Variants in ITGA11 observed in about 807,000 individuals in gnomAD.
ITGA11 encodes integrin subunit alpha 11, also known as integrin alpha-11.
ITGA11 carries 97 observed loss-of-function variants against 141.9 expected under a neutral mutation model. The ratio of observed to expected loss-of-function variants is 0.68; its 90% CI spans 0.58 to 0.81. The LOEUF is 0.81. ITGA11 is among the 30% of genes least tolerant of loss of function. The probability of loss-of-function intolerance (pLI) is 0.00; values close to 1 mark genes in which losing one functional copy is unlikely to be tolerated. For missense variants in ITGA11, 1,387 were observed against 1,559.2 expected, an observed-to-expected ratio of 0.89 and a Z score of 1.86; for synonymous variants, 658 against 624.6, an observed-to-expected ratio of 1.05 and a Z score of -0.80.
intron 3 of ITGA11, among the ~76,000 whole-genome samples, chr15:68,367,112 C>T (rs898575): frequency 0.91 from 138,234 of 151,960 alleles, 63,610 homozygotes; most frequent in East Asian, 0.98. Flanking sequence ...AATTTTCCTC[C>T]ATCCCAACTC....
intron 24 of ITGA11, among the ~76,000 whole-genome samples, chr15:68,312,231 A>G (rs1893412543): frequency 6.6e-6 from 1 of 152,174 alleles, no homozygotes; most frequent in African/African-American, 2.4e-5. Context: ...GCTCAGTCAC[A>G]ACATTCTGGA....
At chr15:68,311,575 T>C (rs1181600508) in intron 24 of ITGA11, among the ~76,000 whole-genome samples, 172 bp from the exon 25 acceptor site, 1 of 152,154 alleles carries the variant, frequency 6.6e-6, no homozygotes, top group East Asian at 1.9e-4. Flanking sequence ...CTCTGTCAAA[T>C]TGTGGCCGGG....
intron 1 of ITGA11, among the ~76,000 whole-genome samples, chr15:68,417,733 T>C (rs1896920650): frequency 6.6e-6 from 1 of 152,150 alleles, no homozygotes; most frequent in Admixed American, 6.5e-5. Flanking sequence ...TTTCCCACTT[T>C]GAGATCTTTG....
chr15:68,328,248 A>G lies in ITGA11; in HGVS notation c.1916T>C (p.Val639Ala). ...NAVILWSRPV[V>A]QINASLHFEP... ...AAAGTGGAGGCTGGCATTGATCTGAACCACTGGGCGGGACCTGGAGGAGAA... is the reference window on the plus strand; with the variant it reads ...AAAGTGGAGGCTGGCATTGATCTGAGCCACTGGGCGGGACCTGGAGGAGAA... The change falls in exon 16 of 30, where the codon GTT (valine) becomes GCT (alanine). Residue 639 changes from valine (V) to alanine (A), a missense_variant. Transcript: ENST00000315757. This position sits in a 1 kb window ranked among gnomAD's most constrained non-coding sequence, Gnocchi z 4.8. The G allele has an allele frequency of 6.2e-7, 1 of 1,613,428 alleles. No individual in the cohort carries two copies. The highest frequency in any genetic ancestry group is 8.5e-7 in the Non-Finnish European group (1 of 1,179,696).
chr15:68,426,913 G>A (rs1379608141), intron 1 of ITGA11, among the ~76,000 whole-genome samples: 1 of 148,438 alleles, frequency 6.7e-6, no homozygotes, highest in Non-Finnish European at 1.5e-5. Flanking sequence ...TACTCAGGAA[G>A]CTGAGGCAGA....
chr15:68,415,146 C>T (rs1231231176), intron 1 of ITGA11, among the ~76,000 whole-genome samples: 1 of 152,206 alleles, frequency 6.6e-6, no homozygotes, highest in Admixed American at 6.5e-5. Flanking sequence ...ATCCCCCTGC[C>T]TTTCTTCTGA....
chr15:68,328,401 G>A lies in ITGA11; in HGVS notation c.1902-139C>T, dbSNP rs1203675710. ...GGGTGAGGTGGAGGATGGAGGGGGC[G>A]AGGTGGAGGATGGAGGGGGCTTCGG... On this transcript the variant is annotated intron_variant, in intron 15 of 29. Coordinates refer to ENST00000315757, the MANE Select transcript of ITGA11 (RefSeq NM_001004439.2). The surrounding 1 kb of genome is among the most constrained non-coding windows in gnomAD (Gnocchi z 4.8). The A allele has an allele frequency of 2.1e-5, 11 of 515,802 alleles. No individual in the cohort carries two copies. Among genetic ancestry groups the A allele is most frequent in the Admixed American group, 3.4e-5 (1 of 29,764 alleles). The allele number at this position is 515,802 out of a possible 1,614,324, so 32.0% of individuals were successfully genotyped here.
At position 68,299,789 on chromosome 15, in the gene ITGA11, CCT is replaced by C. The variant is rs1314498029; in HGVS notation, c.*3268_*3269del. The C allele has an allele frequency of 2.0e-5, 3 of 152,176 alleles. No homozygotes were observed. Among genetic ancestry groups the C allele is most frequent in the Non-Finnish European group, 2.9e-5 (2 of 68,032 alleles). The allele number at this position is 152,176 out of a possible 1,614,324, so 9.4% of individuals were successfully genotyped here. A position where few individuals can be genotyped will look rare whatever the true frequency, so the allele number is the denominator to read the frequency against. ...GAGGTAGGAATTTATCTTGTGAAGA[CCT>C]CTAGGGATGGAAAGGTCCACACTGT... On this transcript the variant is annotated 3_prime_UTR_variant, in exon 30 of 30. Transcript: ENST00000315757.
chr15:68,357,554 C>G (rs999754231), intron 6 of ITGA11, among the ~76,000 whole-genome samples: 2 of 152,064 alleles, frequency 1.3e-5, no homozygotes, highest in African/African-American at 4.8e-5. Flanking sequence ...AAAGAAAGGC[C>G]CAACAATTAT....
chr15:68,383,449 CT>C (rs1330255765), intron 2 of ITGA11, among the ~76,000 whole-genome samples: 1 of 152,152 alleles, frequency 6.6e-6, no homozygotes, highest in African/African-American at 2.4e-5. Context: ...ATTTGTTTTT[CT>C]AATTGTATAT....
At chr15:68,341,291 G>A (rs1057209177) in intron 10 of ITGA11, among the ~76,000 whole-genome samples, 2 of 152,206 alleles carry the variant, frequency 1.3e-5, no homozygotes, top group African/African-American at 4.8e-5. Flanking sequence ...CAGGAGCCAG[G>A]AACTCATATA....
intron 3 of ITGA11, among the ~76,000 whole-genome samples, chr15:68,366,142 G>A (rs957819662): frequency 7.2e-5 from 11 of 152,142 alleles, no homozygotes; most frequent in Non-Finnish European, 1.5e-4. Flanking sequence ...GACTGGGCTC[G>A]ATTTCTCTTT....
At chr15:68,360,880 G>A (rs951742456) in intron 5 of ITGA11, among the ~76,000 whole-genome samples, 1 of 152,126 alleles carries the variant, frequency 6.6e-6, no homozygotes, top group African/African-American at 2.4e-5. Flanking sequence ...TTGTTGTCTG[G>A]AGGGCGGCTG....
rs751781983 is a variant in ITGA11 at position 68,348,875 on chromosome 15, A to G, written c.1086T>C (p.Phe362=). The change falls in exon 10 of 30, where the codon TTT becomes TTC. Residue 362 remains phenylalanine (F), a synonymous_variant. Coordinates refer to ENST00000315757, the MANE Select transcript of ITGA11 (RefSeq NM_001004439.2). ...LEGTNKNETS[F]GLEMSQTGFS... Reference sequence around the variant, plus strand: ...AGCCCGTCTGTGACATCTCCAGCCCAAAGGAGGTCTCGTTCTTGTTGGTGC... The same window carrying G: ...AGCCCGTCTGTGACATCTCCAGCCCGAAGGAGGTCTCGTTCTTGTTGGTGC... The G allele has an allele frequency of 6.2e-7, 1 of 1,609,294 alleles. No homozygotes were observed. The highest frequency in any genetic ancestry group is 8.5e-7 in the Non-Finnish European group (1 of 1,177,864).
chr15:68,431,956 C>G, intron 1 of ITGA11, 59 bp downstream of exon 1: 1 of 1,178,646 alleles, frequency 8.5e-7, no homozygotes. Flanking sequence ...TGGATCCAAG[C>G]CCCGAGGGCC....
chr15:68,427,908 G>T (rs535411095), intron 1 of ITGA11, among the ~76,000 whole-genome samples: 1 of 152,284 alleles, frequency 6.6e-6, no homozygotes, highest in African/African-American at 2.4e-5. Context: ...CATACAGTTG[G>T]TGGGGAGTGG....
intron 10 of ITGA11, among the ~76,000 whole-genome samples, chr15:68,344,460 C>T (rs3784344): frequency 0.33 from 49,869 of 151,908 alleles, 8,453 homozygotes; most frequent in East Asian, 0.44. Flanking sequence ...AGCGAATAGC[C>T]AATACCCTTC....
chr15:68,325,075 G>A lies in ITGA11; in HGVS notation c.2322+56C>T. 1 of 1,259,880 alleles carries A rather than the reference G, an allele frequency of 7.9e-7. No homozygotes were observed. The highest frequency in any genetic ancestry group is 1.2e-5 in the South Asian group (1 of 83,864). 78.0% of individuals were successfully genotyped at this position (1,259,880 alleles called of 1,614,324 possible). On this transcript the variant is annotated intron_variant, in intron 18 of 29. Transcript: ENST00000315757. This position sits in a 1 kb window ranked among gnomAD's most constrained non-coding sequence, Gnocchi z 5.5. ...CTCAGGCTCTGGGCTTTGGGGTTGAGGTGGAGGTGGGGGTGGGGTTCATGC... is the reference window on the plus strand; with the variant it reads ...CTCAGGCTCTGGGCTTTGGGGTTGAAGTGGAGGTGGGGGTGGGGTTCATGC...
At chr15:68,352,613 G>A (rs933192750) in intron 7 of ITGA11, among the ~76,000 whole-genome samples, 17 of 152,208 alleles carry the variant, frequency 1.1e-4, no homozygotes, top group Non-Finnish European at 2.2e-4. Context: ...CATAAAATGC[G>A]TGCGATGAGG....
Sources: allele counts gnomAD v4.1 joint callset (sites outside exome capture counted in the v4.1 genomes callset), GRCh38; gene constraint gnomAD v4.1.1; non-coding constraint Gnocchi (gnomAD v3.1); transcripts MANE v1.5; gene names NCBI Gene and HGNC (gene_info 2026-07-23, HGNC 2026-07-21).